TMC4: variants seen among roughly 807,000 people sequenced by gnomAD.
TMC4 encodes the protein voltage-gated chloride channel TMC4.
In TMC4, 70 loss-of-function variants were observed where a neutral mutation model predicts 82.0. The ratio of observed to expected loss-of-function variants is 0.85; its 90% CI spans 0.70 to 1.04. The LOEUF (loss-of-function observed/expected upper bound fraction) is 1.04, where lower values mean the gene tolerates loss of function less well. Among genes scored for constraint, TMC4 ranks in the 50% least tolerant of loss-of-function variants. The probability of loss-of-function intolerance (pLI) is 0.00; values close to 1 mark genes in which losing one functional copy is unlikely to be tolerated. For synonymous variants in TMC4, 446 were observed against 406.0 expected, an observed-to-expected ratio of 1.10 and a Z score of -1.18; for missense variants, 879 against 899.0, an observed-to-expected ratio of 0.98 and a Z score of 0.28.
intron 3 of TMC4, among the ~76,000 whole-genome samples, chr19:54,169,010 ATTTTT>A (rs555232816): frequency 4.3e-4 from 3 of 6,986 alleles, no homozygotes; most frequent in Admixed American, 5.0e-3. Context: ...ATATATATAT[ATTTTT>A]TTTTTTTTCT....
In TMC4 at chr19:54,169,535, GCC is replaced by G; in HGVS notation, c.417_418del (p.Trp139CysfsTer29). The G allele has an allele frequency of 1.2e-6, 2 of 1,612,678 alleles. No individual in the cohort carries two copies. The highest frequency in any genetic ancestry group is 1.7e-6 in the Non-Finnish European group (2 of 1,179,790). On this transcript the variant is annotated frameshift_variant, in exon 3 of 15. Coordinates refer to ENST00000619895, the MANE Select transcript of TMC4 (RefSeq NM_144686.4). LOFTEE classifies it high-confidence loss of function. ...ACCCCCGATCCTCTTCAGTGTCCAC[GCC>G]CAGGGCTGCAGGCTTCGCAAGCCTT... is the stretch of plus-strand genomic sequence containing the variant.
chr19:54,165,162 TCTCC>T (rs1468210818), intron 6 of TMC4, among the ~76,000 whole-genome samples: 1 of 150,402 alleles, frequency 6.6e-6, no homozygotes, highest in Non-Finnish European at 1.5e-5. Context: ...CCTGTCTCGG[TCTCC>T]CAAAGTGCTG....
chr19:54,171,254 A>T (rs1413993133), intron 2 of TMC4, among the ~76,000 whole-genome samples: 1 of 152,070 alleles, frequency 6.6e-6, no homozygotes, highest in South Asian at 2.1e-4. Flanking sequence ...GATTACAGGC[A>T]CCCGCCACCA....
At chr19:54,171,074 T>TAC (rs2075872438) in intron 2 of TMC4, among the ~76,000 whole-genome samples, 1 of 151,346 alleles carries the variant, frequency 6.6e-6, no homozygotes, top group African/African-American at 2.4e-5. Context: ...TATATATACA[T>TAC]ATATATGTGT....
intron 5 of TMC4, 47 bp downstream of exon 5, chr19:54,168,124 C>G (rs1281124306): frequency 5.2e-6 from 8 of 1,553,166 alleles, no homozygotes; most frequent in Middle Eastern, 1.7e-4. Flanking sequence ...CTTGCTTCCC[C>G]ACCCCAACCC....
chr19:54,160,368 G>A lies in TMC4; in HGVS notation c.2059C>T (p.Gln687Ter). ...ELKRQRETEA[Q>*]NKVFLARRAV... ...CGCCGTGCCAGGAAGACTTTATTCTGCGCCTCCTGGGGCAAAGAGAGGTGG... is the reference window on the plus strand; with the variant it reads ...CGCCGTGCCAGGAAGACTTTATTCTACGCCTCCTGGGGCAAAGAGAGGTGG... The change falls in exon 15 of 15, where the codon CAG becomes TAG. Residue 687 changes from glutamine to a stop codon, truncating the protein, a stop_gained. Transcript: ENST00000619895. LOFTEE classifies it high-confidence loss of function. 1.3e-6 allele frequency: 2 copies of A among 1,537,906 alleles called. No homozygotes were observed. The highest frequency in any genetic ancestry group is 1.8e-6 in the Non-Finnish European group (2 of 1,141,440).
Position 54,164,757 on chromosome 19 carries a change from C to G in TMC4, c.946-156G>C, listed in dbSNP as rs1270788570. On this transcript the variant is annotated intron_variant, in intron 6 of 14. Transcript: ENST00000619895. ...CTCTGCAGTCCTGGTTCCACCTGCTCCAGGAAACCAGCGGCCCTTTACAGC... is the reference window on the plus strand; with the variant it reads ...CTCTGCAGTCCTGGTTCCACCTGCTGCAGGAAACCAGCGGCCCTTTACAGC... 4 of 934,534 alleles carry G rather than the reference C, an allele frequency of 4.3e-6. No individual in the cohort carries two copies. The Admixed American group carries it at 1.1e-4, about 26-fold the overall frequency. The allele number at this position is 934,534 out of a possible 1,614,324, so 57.9% of individuals were successfully genotyped here.
At chr19:54,161,354 C>G (rs572094712) in intron 11 of TMC4, 94 bp from the exon 12 acceptor site, 3 of 1,313,664 alleles carry the variant, frequency 2.3e-6, no homozygotes, top group East Asian at 5.7e-5. Context: ...GAGTCTCGCT[C>G]TGTCGCCCAG....
Position 54,168,858 on chromosome 19 carries a change from TTTTCTTTTCTTTTCTTTTCTTTTCTTTTC to T in TMC4, c.443-207_443-179del, listed in dbSNP as rs2075788958. Reference sequence around the variant, plus strand: ...TTTTCTTTTCTTTTCTTTTCTTTTCTTTTCTTTTCTTTTCTTTTCTTTTCTTTTCTTTCTTTCCTTTCTTTCTTCTTTCT... The same window carrying T: ...TTTTCTTTTCTTTTCTTTTCTTTTCTTTTCTTTCCTTTCTTTCTTCTTTCT... On this transcript the variant is annotated intron_variant, in intron 3 of 14. Coordinates refer to ENST00000619895, the MANE Select transcript of TMC4 (RefSeq NM_144686.4). Among the ~76,000 whole-genome samples, 3 of 46,648 alleles carry T rather than the reference TTTTCTTTTCTTTTCTTTTCTTTTCTTTTC, an allele frequency of 6.4e-5. 1 individual carries two copies. Among genetic ancestry groups the T allele is most frequent in the Non-Finnish European group, 1.1e-4 (3 of 26,232 alleles). 30.6% of individuals were successfully genotyped at this position (46,648 alleles called of 152,430 possible).
chr19:54,173,062 A>G lies in TMC4; in HGVS notation c.56T>C (p.Leu19Pro). The G allele has an allele frequency of 6.8e-6, 11 of 1,613,552 alleles. No individual in the cohort carries two copies. The highest frequency in any genetic ancestry group is 8.5e-6 in the Non-Finnish European group (10 of 1,179,740). ...SEAWGSSREW[L>P]APREARGGPS... is the part of the protein sequence containing the mutation. The stretch of plus-strand genomic sequence containing the variant: ...ACCTCCTCTGGCCTCCCGGGGGGCC[A>G]GCCACTCCCTAGAGGAGCCCCAGGC... Residue 19 changes from leucine (L) to proline (P), a missense_variant, in exon 1 of 15, where the codon CTG becomes CCG. Leu to Pro is a moderately conservative substitution (Grantham distance 98, BLOSUM62 -3). Coordinates refer to ENST00000619895, the MANE Select transcript of TMC4 (RefSeq NM_144686.4).
At chr19:54,168,775 CTTTCTTTCTTTTCTTTTCT>C (rs2075772384) in intron 3 of TMC4, 95 bp from the exon 4 acceptor site, 1 of 414,254 alleles carries the variant, frequency 2.4e-6, no homozygotes, top group African/African-American at 3.4e-5. Context: ...GCCTTCCTTT[CTTTCTTTCTTTTCTTTTCT>C]TTCTTTTCTT....
At position 54,162,743 on chromosome 19, in the gene TMC4, T is replaced by C. The variant is rs2075598042; in HGVS notation, c.1432A>G (p.Met478Val). 6.2e-7 allele frequency: 1 copy of C among 1,614,026 alleles called. No homozygotes were observed. Among genetic ancestry groups the C allele is most frequent in the East Asian group, 2.2e-5 (1 of 44,868 alleles). The change falls in exon 10 of 15, where the codon ATG (methionine) becomes GTG (valine). Residue 478 changes from methionine (M) to valine (V), a missense_variant. Met to Val is a conservative substitution (Grantham distance 21). Coordinates refer to ENST00000619895, the MANE Select transcript of TMC4 (RefSeq NM_144686.4). ...PCWETVLGQE[M>V]YKLLLFDLLT... ...AGATCAAAGAGCAGAAGTTTGTACA[T>C]TTCCTGGCCCAGGACAGTCTCCCAG...
At chr19:54,167,677 C>T (rs1430308964) in intron 5 of TMC4, among the ~76,000 whole-genome samples, 20 of 149,796 alleles carry the variant, frequency 1.3e-4, no homozygotes, top group Non-Finnish European at 2.4e-4. Flanking sequence ...GGCGCAAACT[C>T]GGCTCACTGC....
Position 54,160,505 on chromosome 19 carries a change from C to T in TMC4, c.2014G>A (p.Gly672Arg), listed in dbSNP as rs367773540. ...CGTTTGAGCTCAGAGATGAGGCGTC[C>T]GTAGGAGTTAGCCAGAGCCACAGTG... ...AYTVALANSY[G>R]RLISELKRQR... The change falls in exon 14 of 15, where the codon GGA becomes AGA. Residue 672 changes from glycine to arginine, a missense_variant. By Grantham distance (125) the Gly-to-Arg change is moderately radical. Coordinates refer to ENST00000619895, the MANE Select transcript of TMC4 (RefSeq NM_144686.4). 2.1e-5 allele frequency: 34 copies of T among 1,614,060 alleles called. No individual in the cohort carries two copies. Among genetic ancestry groups the T allele is most frequent in the Middle Eastern group, 1.6e-4 (1 of 6,084 alleles).
intron 3 of TMC4, among the ~76,000 whole-genome samples, chr19:54,169,010 AT>A (rs555232816): frequency 0.62 from 4,363 of 6,984 alleles, 1,700 homozygotes; most frequent in Middle Eastern, 0.75. Context: ...ATATATATAT[AT>A]TTTTTTTTTT....
chr19:54,164,939 C>T (rs568695196), intron 6 of TMC4, among the ~76,000 whole-genome samples: 16 of 152,270 alleles, frequency 1.1e-4, no homozygotes, highest in Non-Finnish European at 1.6e-4. Flanking sequence ...GGTGGCCCTG[C>T]GCTTTATTCC....
chr19:54,160,283 A>G lies in TMC4; in HGVS notation c.*23T>C, dbSNP rs1417881210. The stretch of plus-strand genomic sequence containing the variant: ...GGCTTACAATGGGCCTGGGGTCTGA[A>G]AGCGGGACGTGGGCTGCGGGGGTCA... On this transcript the variant is annotated 3_prime_UTR_variant, in exon 15 of 15. Coordinates refer to ENST00000619895, the MANE Select transcript of TMC4 (RefSeq NM_144686.4). The G allele has an allele frequency of 2.0e-6, 3 of 1,513,218 alleles. No homozygotes were observed. The highest frequency in any genetic ancestry group is 2.7e-6 in the Non-Finnish European group (3 of 1,131,844). 93.7% of individuals were successfully genotyped at this position (1,513,218 alleles called of 1,614,324 possible).
At chr19:54,163,294 TTC>T (rs1163123447) in intron 8 of TMC4, 135 bp from the exon 9 acceptor site, 1 of 1,069,250 alleles carries the variant, frequency 9.4e-7, no homozygotes, top group Non-Finnish European at 1.3e-6. Context: ...CAGGATTTCT[TTC>T]TTTCTTTCTT....
rs1568762169 is a variant in TMC4 at position 54,173,061 on chromosome 19, C to G, written c.57G>C (p.Leu19=). ...SEAWGSSREW[L]APREARGGPS... ...TACCTCCTCTGGCCTCCCGGGGGGC[C>G]AGCCACTCCCTAGAGGAGCCCCAGG... Residue 19 remains leucine (L), a synonymous_variant, in exon 1 of 15, where the codon CTG becomes CTC. Coordinates refer to ENST00000619895, the MANE Select transcript of TMC4 (RefSeq NM_144686.4). 8.1e-6 allele frequency: 13 copies of G among 1,613,600 alleles called. No homozygotes were observed. The highest frequency in any genetic ancestry group is 1.1e-5 in the Non-Finnish European group (13 of 1,179,758).
Sources: gnomAD v4.1 joint callset for allele counts (sites outside exome capture counted in the v4.1 genomes callset) on GRCh38, gnomAD v4.1.1 for gene constraint, MANE v1.5 for transcripts, NCBI Gene and HGNC (gene_info 2026-07-23, HGNC 2026-07-21) for gene names.